LHFPL3: variants seen among roughly 807,000 people sequenced by gnomAD.
LHFPL3 encodes LHFPL tetraspan subfamily member 3 protein.
In LHFPL3, 5 loss-of-function variants were observed where a neutral mutation model predicts 19.3. The ratio of observed to expected loss-of-function variants is 0.26; its 90% CI spans 0.14 to 0.54. The LOEUF (loss-of-function observed/expected upper bound fraction) is 0.54, where lower values mean the gene tolerates loss of function less well. LHFPL3 is among the 20% of genes least tolerant of loss of function. The pLI, the probability that LHFPL3 is intolerant of heterozygous loss-of-function variation, is 0.94. For synonymous variants in LHFPL3, 133 were observed against 126.2 expected, an observed-to-expected ratio of 1.05 and a Z score of -0.36; for missense variants, 249 against 307.4, an observed-to-expected ratio of 0.81 and a Z score of 1.42.
At chr7:104,575,488 T>C (rs1420234116) in intron 1 of LHFPL3, among the ~76,000 whole-genome samples, 1 of 148,656 alleles carries the variant, frequency 6.7e-6, no homozygotes, top group African/African-American at 2.5e-5. Context: ...TTTTTATATA[T>C]TATTGGCAAA....
At chr7:104,488,125 C>T (rs565296412) in intron 1 of LHFPL3, among the ~76,000 whole-genome samples, 20 of 152,232 alleles carry the variant, frequency 1.3e-4, no homozygotes, top group Admixed American at 7.8e-4. Context: ...TATTTTTTGT[C>T]ATTTTCTAAG....
intron 1 of LHFPL3, among the ~76,000 whole-genome samples, chr7:104,495,033 G>T (rs1009585551): frequency 6.6e-6 from 1 of 152,090 alleles, no homozygotes; most frequent in African/African-American, 2.4e-5. Flanking sequence ...TCCATAGCAA[G>T]AAGCAGAAAC....
chr7:104,662,376 T>C (rs1792240105), intron 1 of LHFPL3, among the ~76,000 whole-genome samples: 1 of 152,208 alleles, frequency 6.6e-6, no homozygotes, highest in Non-Finnish European at 1.5e-5. Context: ...TCATAGATTA[T>C]CTCATTTAAT....
intron 2 of LHFPL3, among the ~76,000 whole-genome samples, chr7:104,755,449 C>T (rs1178251814): frequency 6.6e-6 from 1 of 152,084 alleles, no homozygotes; most frequent in East Asian, 1.9e-4. Flanking sequence ...GTGAACATAG[C>T]CTAGCTGAGG....
At chr7:104,433,732 C>T (rs1022938944) in intron 1 of LHFPL3, among the ~76,000 whole-genome samples, 3 of 152,138 alleles carry the variant, frequency 2.0e-5, no homozygotes. Flanking sequence ...TTGCCTAAAA[C>T]CTTCCTTTAA....
In LHFPL3 at chr7:104,463,856, C is replaced by T. The variant is rs539353154; in HGVS notation, c.445+134632C>T. 5.9e-5 allele frequency among the ~76,000 whole-genome samples: 9 copies of T among 152,252 alleles called. No homozygotes were observed. In the South Asian group the frequency reaches 1.7e-3, roughly 28 times the overall value. On this transcript the variant is annotated intron_variant, in intron 1 of 2. Coordinates refer to ENST00000424859, the MANE Select transcript of LHFPL3 (RefSeq NM_199000.3). The stretch of plus-strand genomic sequence containing the variant: ...GGAGACACAGCCAAACCATATTGTC[C>T]GTCCCCAGCCCTTCCCAAATCTCAT...
At chr7:104,554,640 C>T (rs10248081) in intron 1 of LHFPL3, among the ~76,000 whole-genome samples, 3,225 of 143,970 alleles carry the variant, frequency 0.022, 107 homozygotes, top group African/African-American at 0.081. Context: ...ATTAGATAGA[C>T]AGATAGATAG....
chr7:104,408,191 G>A (rs957286074), intron 1 of LHFPL3, among the ~76,000 whole-genome samples: 1 of 152,034 alleles, frequency 6.6e-6, no homozygotes, highest in African/African-American at 2.4e-5. Flanking sequence ...GGCAATATTT[G>A]GGATCTTTGA....
At chr7:104,346,733 C>G (rs1426787358) in intron 1 of LHFPL3, among the ~76,000 whole-genome samples, 1 of 151,838 alleles carries the variant, frequency 6.6e-6, no homozygotes, top group Non-Finnish European at 1.5e-5. Flanking sequence ...TAATTGGATT[C>G]TCACTCCTCC....
chr7:104,659,505 T>C (rs191952130), intron 1 of LHFPL3, among the ~76,000 whole-genome samples: 3 of 152,334 alleles, frequency 2.0e-5, no homozygotes, highest in Admixed American at 1.3e-4. Flanking sequence ...GAGTACTCCA[T>C]AATATATGGT....
At chr7:104,425,740 G>T (rs1160565941) in intron 1 of LHFPL3, among the ~76,000 whole-genome samples, 1 of 152,162 alleles carries the variant, frequency 6.6e-6, no homozygotes, top group Non-Finnish European at 1.5e-5. Flanking sequence ...ATTTGGGGAT[G>T]TCTGAAGGAT....
At chr7:104,493,804 T>C (rs1584357651) in intron 1 of LHFPL3, among the ~76,000 whole-genome samples, 1 of 152,182 alleles carries the variant, frequency 6.6e-6, no homozygotes, top group East Asian at 1.9e-4. Context: ...ACTAATCTCC[T>C]CTCCTGGTCT....
intron 1 of LHFPL3, among the ~76,000 whole-genome samples, chr7:104,373,547 C>A (rs1044569363): frequency 6.6e-5 from 10 of 152,122 alleles, no homozygotes; most frequent in African/African-American, 2.4e-4. Flanking sequence ...TATGAGCCCT[C>A]AAGAGGTCCT....
Position 104,418,243 on chromosome 7 carries a change from T to C in LHFPL3, c.445+89019T>C, listed in dbSNP as rs75982630. Among the ~76,000 whole-genome samples the C allele has an allele frequency of 8.7e-3, 1,319 of 152,288 alleles. 78 individuals carry two copies. In the East Asian group the frequency reaches 0.16, roughly 19 times the overall value. ...CAAAACTTTATTTACTCATTGTTTCTACAAATATTTCCTGAGGGCAAGAGA... is the reference window on the plus strand; with the variant it reads ...CAAAACTTTATTTACTCATTGTTTCCACAAATATTTCCTGAGGGCAAGAGA... On this transcript the variant is annotated intron_variant, in intron 1 of 2. Coordinates refer to ENST00000424859, the MANE Select transcript of LHFPL3 (RefSeq NM_199000.3).
chr7:104,614,659 CCT>C (rs1791286503), intron 1 of LHFPL3, among the ~76,000 whole-genome samples: 2 of 70,056 alleles, frequency 2.9e-5, no homozygotes, highest in African/African-American at 9.2e-5. Flanking sequence ...TTCTCTCCTT[CCT>C]TCCTTCCTTC....
chr7:104,682,295 C>T (rs1792720018), intron 1 of LHFPL3, among the ~76,000 whole-genome samples: 1 of 152,182 alleles, frequency 6.6e-6, no homozygotes. Flanking sequence ...TCTGTAAGCC[C>T]TTGTTCCTCA....
At chr7:104,587,373 G>C (rs1477641713) in intron 1 of LHFPL3, among the ~76,000 whole-genome samples, 1 of 152,188 alleles carries the variant, frequency 6.6e-6, no homozygotes, top group Non-Finnish European at 1.5e-5. Flanking sequence ...TGCAGTGTTT[G>C]GTTTTCTGTC....
chr7:104,758,180 T>C (rs1237340378), intron 2 of LHFPL3, among the ~76,000 whole-genome samples: 4 of 152,100 alleles, frequency 2.6e-5, no homozygotes, highest in Non-Finnish European at 5.9e-5. Flanking sequence ...CAATGGACAC[T>C]GGGGACTCCT....
chr7:104,561,294 T>C lies in LHFPL3; in HGVS notation c.446-175381T>C, dbSNP rs10270235. On this transcript the variant is annotated intron_variant, in intron 1 of 2. Transcript: ENST00000424859. ...GTTGACAGTGGGGTGTTAAAGTCTCTCATTATTAATGTGTGGGAGTCTAAG... is the reference window on the plus strand; with the variant it reads ...GTTGACAGTGGGGTGTTAAAGTCTCCCATTATTAATGTGTGGGAGTCTAAG... Among the ~76,000 whole-genome samples, 30 of 144,460 alleles carry C rather than the reference T, an allele frequency of 2.1e-4. 1 individual carries two copies. Among genetic ancestry groups the C allele is most frequent in the African/African-American group, 7.9e-4 (28 of 35,530 alleles). 94.8% of individuals were successfully genotyped at this position (144,460 alleles called of 152,430 possible).
Sources: allele counts gnomAD v4.1 joint callset (sites outside exome capture counted in the v4.1 genomes callset), GRCh38; gene constraint gnomAD v4.1.1; transcripts MANE v1.5; gene names NCBI Gene and HGNC (gene_info 2026-07-23, HGNC 2026-07-21).